Variants in SUPT3H observed in about 807,000 individuals in gnomAD.
The protein encoded by SUPT3H is transcription initiation protein SPT3 homolog.
In SUPT3H, 44 loss-of-function variants were observed where a neutral mutation model predicts 44.3. The observed-to-expected ratio is 0.99, with a 90% CI of 0.78 to 1.28. The LOEUF (loss-of-function observed/expected upper bound fraction) is 1.28, where lower values mean the gene tolerates loss of function less well. Among genes scored for constraint, SUPT3H ranks in the 50% most tolerant of loss-of-function variants. The pLI is 0.00. For synonymous variants in SUPT3H, 124 were observed against 125.6 expected (o/e 0.99, Z 0.09); for missense variants, 380 against 387.1 (o/e 0.98, Z 0.15).
chr6:45,325,827 A>G (rs1786256226), intron 2 of SUPT3H, among the ~76,000 whole-genome samples: 1 of 151,828 alleles, frequency 6.6e-6, no homozygotes, highest in South Asian at 2.1e-4. Flanking sequence ...AATGTGCCCC[A>G]GTTGTCATTG....
chr6:44,965,307 C>T lies in SUPT3H; in HGVS notation c.505-3479G>A, dbSNP rs946470958. On this transcript the variant is annotated intron_variant, in intron 6 of 10. Coordinates refer to ENST00000371459, the MANE Select transcript of SUPT3H (RefSeq NM_003599.4). The stretch of plus-strand genomic sequence containing the variant: ...AGCAGAACCCCTAGGCTGGTATCTG[C>T]TACCAGCTGCCTTGTCCATTTACCT... 3.9e-5 allele frequency among the ~76,000 whole-genome samples: 6 copies of T among 152,190 alleles called. No individual in the cohort carries two copies. In the South Asian group the frequency reaches 6.2e-4, roughly 16 times the overall value.
At chr6:45,215,652 A>G (rs1331816417) in intron 2 of SUPT3H, among the ~76,000 whole-genome samples, 2 of 152,148 alleles carry the variant, frequency 1.3e-5, no homozygotes, top group African/African-American at 4.8e-5. Flanking sequence ...GACAAAAAAG[A>G]AAGGAAAAAA....
chr6:45,251,399 A>G lies in SUPT3H; in HGVS notation c.101+113802T>C, dbSNP rs1180546945. On this transcript the variant is annotated intron_variant, in intron 2 of 10. Coordinates refer to ENST00000371459, the MANE Select transcript of SUPT3H (RefSeq NM_003599.4). ...AAATGACTAAGAAGAGAAGCTGCAC[A>G]CACACACACACACACACACACACAC... 1.5e-4 allele frequency among the ~76,000 whole-genome samples: 8 copies of G among 53,244 alleles called. No individual in the cohort carries two copies. The East Asian group carries it at 5.0e-3, about 33-fold the overall frequency. 34.9% of individuals were successfully genotyped at this position (53,244 alleles called of 152,430 possible).
intron 2 of SUPT3H, among the ~76,000 whole-genome samples, chr6:45,289,279 T>C (rs989753973): frequency 6.6e-6 from 1 of 152,102 alleles, no homozygotes; most frequent in African/African-American, 2.4e-5. Context: ...AATCATGTAT[T>C]ATAAATAAAA....
intron 2 of SUPT3H, among the ~76,000 whole-genome samples, chr6:45,136,686 A>G (rs969776315): frequency 6.6e-6 from 1 of 152,150 alleles, no homozygotes; most frequent in African/African-American, 2.4e-5. Flanking sequence ...CAATAGCAGA[A>G]CTGAGCTGTC....
chr6:45,141,027 C>T (rs141644144), intron 2 of SUPT3H, among the ~76,000 whole-genome samples: 1 of 152,246 alleles, frequency 6.6e-6, no homozygotes, highest in East Asian at 1.9e-4. Context: ...AAGAAGAAAT[C>T]TCTGCATTGC....
intron 10 of SUPT3H, among the ~76,000 whole-genome samples, chr6:44,876,510 G>A (rs1188346356): frequency 3.3e-5 from 4 of 121,342 alleles, no homozygotes; most frequent in Non-Finnish European, 3.4e-5. Flanking sequence ...TGGTGGGGTC[G>A]GGGGAGGGGG....
intron 3 of SUPT3H, among the ~76,000 whole-genome samples, chr6:45,092,750 C>CAAAAA (rs71674371): frequency 3.9e-5 from 5 of 127,830 alleles, no homozygotes; most frequent in South Asian, 5.2e-4. Flanking sequence ...GACTTCGTCT[C>CAAAAA]AAAAAAAAAA....
intron 2 of SUPT3H, among the ~76,000 whole-genome samples, chr6:45,333,064 A>C (rs566213612): frequency 6.6e-6 from 1 of 151,746 alleles, no homozygotes; most frequent in Admixed American, 6.6e-5. Flanking sequence ...ATTCTAAGCT[A>C]ACTGTCTAAA....
In SUPT3H at chr6:44,877,739, AT is replaced by A. The variant is rs202240579; in HGVS notation, c.913-47883del. On this transcript the variant is annotated intron_variant, in intron 10 of 10. Transcript: ENST00000371459. ...TCTCCTGCATCAAACATTATGTTCA[AT>A]TTTTTTTTGTCAGTGATGTAGACAT... Among the ~76,000 whole-genome samples the A allele has an allele frequency of 5.3e-5, 8 of 151,604 alleles. No individual in the cohort carries two copies. In the South Asian group the frequency reaches 1.0e-3, roughly 20 times the overall value.
intron 3 of SUPT3H, among the ~76,000 whole-genome samples, chr6:45,031,372 T>C (rs577554683): frequency 1.3e-5 from 2 of 152,330 alleles, no homozygotes; most frequent in East Asian, 1.9e-4. Flanking sequence ...TGTGCATACA[T>C]AGATACATAC....
At chr6:45,278,294 T>A (rs1777361455) in intron 2 of SUPT3H, among the ~76,000 whole-genome samples, 3 of 150,922 alleles carry the variant, frequency 2.0e-5, no homozygotes, top group Non-Finnish European at 3.0e-5. Context: ...AAGTATAATT[T>A]AAAAAAAAAG....
chr6:45,058,819 T>G (rs1389910256), intron 3 of SUPT3H, among the ~76,000 whole-genome samples: 2 of 152,150 alleles, frequency 1.3e-5, no homozygotes, highest in East Asian at 3.8e-4. Flanking sequence ...CTGCTCCTTT[T>G]GGCTTTGAAC....
chr6:44,937,700 T>C (rs373713546), intron 9 of SUPT3H, among the ~76,000 whole-genome samples: 1 of 152,136 alleles, frequency 6.6e-6, no homozygotes, highest in Admixed American at 6.5e-5. Flanking sequence ...TTTCTTTATA[T>C]GCCTGTTGGC....
At chr6:45,124,245 C>G (rs1030196729) in intron 2 of SUPT3H, among the ~76,000 whole-genome samples, 6 of 150,324 alleles carry the variant, frequency 4.0e-5, no homozygotes, top group African/African-American at 1.2e-4. Flanking sequence ...TTAGTAACTG[C>G]AAGAAAACTG....
At chr6:44,975,593 G>A (rs1490645368) in intron 6 of SUPT3H, among the ~76,000 whole-genome samples, 1 of 152,156 alleles carries the variant, frequency 6.6e-6, no homozygotes, top group Non-Finnish European at 1.5e-5. Context: ...AGGGTGGGAG[G>A]GGGTGAGGGA....
At chr6:44,998,551 C>T (rs1322466289) in intron 6 of SUPT3H, among the ~76,000 whole-genome samples, 1 of 151,762 alleles carries the variant, frequency 6.6e-6, no homozygotes, top group African/African-American at 2.4e-5. Flanking sequence ...TTATTGAGAG[C>T]TCCTTGAACT....
chr6:45,026,666 A>G (rs942837993), intron 3 of SUPT3H, among the ~76,000 whole-genome samples: 2 of 152,088 alleles, frequency 1.3e-5, no homozygotes, highest in Non-Finnish European at 2.9e-5. Context: ...TAACTTTTTA[A>G]GCTTGTTTCT....
chr6:45,231,871 T>G (rs1007060709), intron 2 of SUPT3H, among the ~76,000 whole-genome samples: 8 of 152,192 alleles, frequency 5.3e-5, no homozygotes, highest in Non-Finnish European at 8.8e-5. Context: ...TCTAGTCTAT[T>G]GCTGAAGCTT....
Sources: allele counts gnomAD v4.1 joint callset (sites outside exome capture counted in the v4.1 genomes callset), GRCh38; gene constraint gnomAD v4.1.1; transcripts MANE v1.5; gene names NCBI Gene and HGNC (gene_info 2026-07-23, HGNC 2026-07-21).